Variants in EFNA3 observed in about 807,000 individuals in gnomAD.
EFNA3 encodes ephrin-A3.
A neutral mutation model predicts 25.0 loss-of-function variants in EFNA3; 15 were observed. The observed-to-expected ratio is 0.60, with a 90% CI of 0.40 to 0.92. The LOEUF (loss-of-function observed/expected upper bound fraction) is 0.92. Ranked by LOEUF, EFNA3 falls within the 40% of genes least tolerant of loss-of-function variation. The pLI is 0.00. For missense variants in EFNA3, 298 were observed against 323.8 expected (o/e 0.92, Z 0.61); for synonymous variants, 153 against 145.6 (o/e 1.05, Z -0.37).
At chr1:155,086,364 C>T in intron 4 of EFNA3, 49 bp from the exon 5 acceptor site, 1 of 1,607,744 alleles carries the variant, frequency 6.2e-7, no homozygotes. Context: ...TGCCCCTGCC[C>T]TGGCGCGCAA....
chr1:155,081,243 C>T lies in EFNA3; in HGVS notation c.128+2174C>T, dbSNP rs1462855. 0.65 allele frequency among the ~76,000 whole-genome samples: 99,150 copies of T among 151,856 alleles called. 33,162 individuals are homozygous for T. The highest frequency in any genetic ancestry group is 0.89 in the East Asian group (4,601 of 5,150). On this transcript the variant is annotated intron_variant, in intron 1 of 4. Transcript: ENST00000368408. This position sits in a 1 kb window ranked among gnomAD's most constrained non-coding sequence, Gnocchi z 5.2. ...AGTACTTCCATTTAGTCCCGTGGAA[C>T]AGGAGAGACCTGTTCCCAATCTGGC...
At position 155,079,495 on chromosome 1, in the gene EFNA3, G is replaced by T. The variant is rs958192206; in HGVS notation, c.128+426G>T. ...TCCAGGGGTTCTGTCTAGGACTCCT[G>T]CTTTTAAAAGTGGGGTCCAGAGCTG... On this transcript the variant is annotated intron_variant, in intron 1 of 4. Transcript: ENST00000368408. This position sits in a 1 kb window ranked among gnomAD's most constrained non-coding sequence, Gnocchi z 7.7. Among the ~76,000 whole-genome samples the T allele has an allele frequency of 6.6e-6, 1 of 152,148 alleles. No individual in the cohort carries two copies. The highest frequency in any genetic ancestry group is 2.4e-5 in the African/African-American group (1 of 41,420).
At position 155,078,903 on chromosome 1, in the gene EFNA3, G is replaced by T; in HGVS notation, c.-39G>T. ...GGGAAGCGGAGAAGCCGGGAGCGCG[G>T]GGCTCAGTCGGGGGGCGGCGGCGGC... On this transcript the variant is annotated 5_prime_UTR_variant, in exon 1 of 5. Transcript: ENST00000368408. The T allele has an allele frequency of 7.4e-7, 1 of 1,354,348 alleles. No homozygotes were observed. The highest frequency in any genetic ancestry group is 9.5e-7 in the Non-Finnish European group (1 of 1,055,472). 83.9% of individuals were successfully genotyped at this position (1,354,348 alleles called of 1,614,324 possible). A position where few individuals can be genotyped will look rare whatever the true frequency, so the allele number is the denominator to read the frequency against.
At position 155,085,064 on chromosome 1, in the gene EFNA3, C is replaced by G. The variant is rs115904929; in HGVS notation, c.129-27C>G. On this transcript the variant is annotated intron_variant, in intron 1 of 4. Transcript: ENST00000368408. The surrounding 1 kb of genome is among the most constrained non-coding windows in gnomAD (Gnocchi z 4.4). Reference sequence around the variant, plus strand: ...GCGGCTTTGCTCTGGGGTTTCTTCTCTCTGAGCCGCTTCCTCTTCCCCACA... The same window carrying G: ...GCGGCTTTGCTCTGGGGTTTCTTCTGTCTGAGCCGCTTCCTCTTCCCCACA... 6.7e-3 allele frequency: 10,738 copies of G among 1,611,512 alleles called. 90 individuals carry two copies. Among genetic ancestry groups the G allele is most frequent in the African/African-American group, 0.036 (2,681 of 74,898 alleles).
Position 155,078,853 on chromosome 1 carries a change from C to A in EFNA3, c.-89C>A. The A allele has an allele frequency of 7.7e-7, 1 of 1,294,620 alleles. No homozygotes were observed. Among genetic ancestry groups the A allele is most frequent in the Non-Finnish European group, 9.8e-7 (1 of 1,023,380 alleles). 80.2% of individuals were successfully genotyped at this position (1,294,620 alleles called of 1,614,324 possible). A position where few individuals can be genotyped will look rare whatever the true frequency, so the allele number is the denominator to read the frequency against. On this transcript the variant is annotated 5_prime_UTR_variant, in exon 1 of 5. Coordinates refer to ENST00000368408, the MANE Select transcript of EFNA3 (RefSeq NM_004952.5). The stretch of plus-strand genomic sequence containing the variant: ...TGGGGGCGTGGCCTAAGGCTGGGGG[C>A]CGACGGCGGCGGCAGCAGGGAGCTG...
rs1008296271 is a variant in EFNA3 at position 155,086,329 on chromosome 1, C to T, written c.587-84C>T. 12 of 1,594,646 alleles carry T rather than the reference C, an allele frequency of 7.5e-6. No homozygotes were observed. In the East Asian group the frequency reaches 1.6e-4, roughly 21 times the overall value. Reference sequence around the variant, plus strand: ...CTTCCTACCCTGTGGGTGGTCACGTCCCTGGCTCCATTGCTGCTGCCGCGT... The same window carrying T: ...CTTCCTACCCTGTGGGTGGTCACGTTCCTGGCTCCATTGCTGCTGCCGCGT... On this transcript the variant is annotated intron_variant, in intron 4 of 4. Coordinates refer to ENST00000368408, the MANE Select transcript of EFNA3 (RefSeq NM_004952.5).
Position 155,079,164 on chromosome 1 carries a change from C to A in EFNA3, c.128+95C>A. The stretch of plus-strand genomic sequence containing the variant: ...TCCTGGGGGATCCCGGGGTGGGAGT[C>A]CTGGGAGACCAGAGCTGGGGGCTGG... On this transcript the variant is annotated intron_variant, in intron 1 of 4. Transcript: ENST00000368408. The surrounding 1 kb of genome is among the most constrained non-coding windows in gnomAD (Gnocchi z 7.7). 1 of 1,231,544 alleles carries A rather than the reference C, an allele frequency of 8.1e-7. No homozygotes were observed. The highest frequency in any genetic ancestry group is 1.0e-6 in the Non-Finnish European group (1 of 968,318). The allele number at this position is 1,231,544 out of a possible 1,614,324, so 76.3% of individuals were successfully genotyped here.
rs778291971 is a variant in EFNA3 at position 155,085,280 on chromosome 1, G to T, written c.318G>T (p.Lys106Asn). 1 of 1,612,960 alleles carries T rather than the reference G, an allele frequency of 6.2e-7. No homozygotes were observed. Among genetic ancestry groups the T allele is most frequent in the Non-Finnish European group, 8.5e-7 (1 of 1,179,670 alleles). ...YRTCNASQGF[K>N]RWECNRPHAP... ...CCTGCAACGCCAGCCAGGGCTTCAA[G>T]CGCTGGGAGTGCAACCGGCCGCACG... The change falls in exon 2 of 5, where the codon AAG (lysine) becomes AAT (asparagine). Residue 106 changes from lysine (K) to asparagine (N), a missense_variant. Transcript: ENST00000368408. The surrounding 1 kb of genome is among the most constrained non-coding windows in gnomAD (Gnocchi z 4.4).
chr1:155,087,008 CCT>C lies in EFNA3; in HGVS notation c.*466_*467del, dbSNP rs1663486231. On this transcript the variant is annotated 3_prime_UTR_variant, in exon 5 of 5. Transcript: ENST00000368408. ...GCAGCACTGCCTGCTGCTTCCTTCC[CCT>C]GTTTACAGCAATAAGCACGTCCTCC... 1.3e-5 allele frequency: 2 copies of C among 154,868 alleles called. No individual in the cohort carries two copies. The highest frequency in any genetic ancestry group is 2.9e-5 in the Non-Finnish European group (2 of 69,366). 9.6% of individuals were successfully genotyped at this position (154,868 alleles called of 1,614,324 possible). A position where few individuals can be genotyped will look rare whatever the true frequency, so the allele number is the denominator to read the frequency against.
rs1663293035 is a variant in EFNA3, at chr1:155,079,163, T to G, written c.128+94T>G. The G allele has an allele frequency of 2.5e-6, 3 of 1,178,418 alleles. No individual in the cohort carries two copies. Among genetic ancestry groups the G allele is most frequent in the African/African-American group, 1.7e-5 (1 of 59,170 alleles). The allele number at this position is 1,178,418 out of a possible 1,614,324, so 73.0% of individuals were successfully genotyped here. On this transcript the variant is annotated intron_variant, in intron 1 of 4. Transcript: ENST00000368408. The surrounding 1 kb of genome is among the most constrained non-coding windows in gnomAD (Gnocchi z 7.7). ...GTCCTGGGGGATCCCGGGGTGGGAG[T>G]CCTGGGAGACCAGAGCTGGGGGCTG...
intron 1 of EFNA3, among the ~76,000 whole-genome samples, chr1:155,082,489 T>A (rs1663360931): frequency 6.6e-6 from 1 of 152,070 alleles, no homozygotes; most frequent in African/African-American, 2.4e-5. Flanking sequence ...CCGGGTTAAG[T>A]GGAGCCAGGC....
In EFNA3 at chr1:155,080,953, C is replaced by T. The variant is rs1663331370; in HGVS notation, c.128+1884C>T. 6.6e-6 allele frequency among the ~76,000 whole-genome samples: 1 copy of T among 152,144 alleles called. No individual in the cohort carries two copies. The highest frequency in any genetic ancestry group is 1.5e-5 in the Non-Finnish European group (1 of 68,006). On this transcript the variant is annotated intron_variant, in intron 1 of 4. Coordinates refer to ENST00000368408, the MANE Select transcript of EFNA3 (RefSeq NM_004952.5). This position sits in a 1 kb window ranked among gnomAD's most constrained non-coding sequence, Gnocchi z 7.0. Reference sequence around the variant, plus strand: ...CCATAAATCGTGAGAGCGACGTGCTCCGGAGCCGAGAATGGAGAGGGCCGG... The same window carrying T: ...CCATAAATCGTGAGAGCGACGTGCTTCGGAGCCGAGAATGGAGAGGGCCGG...
At chr1:155,084,900 G>A (rs1663419280) in intron 1 of EFNA3, among the ~76,000 whole-genome samples, 191 bp from the exon 2 acceptor site, 1 of 152,224 alleles carries the variant, frequency 6.6e-6, no homozygotes, top group Non-Finnish European at 1.5e-5. Flanking sequence ...CAAGAAGGAG[G>A]GCACGGAAGG....
chr1:155,085,877 C>G lies in EFNA3; in HGVS notation c.443C>G (p.Ser148Cys). ...GACTCAGGCCCGGTCTCCTCCCCAG[C>G]CACGCCCACTCACAACCTGCACTGG... ...FHAGHEYYYI[S>C]TPTHNLHWKC... The change falls in exon 3 of 5, where the codon TCC becomes TGC. Residue 148 changes from serine (S) to cysteine (C), a missense_variant and splice_region_variant. Ser to Cys is a moderately radical substitution (Grantham distance 112, BLOSUM62 -1). Transcript: ENST00000368408. The surrounding 1 kb of genome is among the most constrained non-coding windows in gnomAD (Gnocchi z 4.4). The G allele has an allele frequency of 6.2e-7, 1 of 1,613,306 alleles. No individual in the cohort carries two copies. Among genetic ancestry groups the G allele is most frequent in the Non-Finnish European group, 8.5e-7 (1 of 1,179,660 alleles).
rs1558145433 is a variant in EFNA3, at chr1:155,085,190, AC to A, written c.230del (p.Pro77ArgfsTer15). On this transcript the variant is annotated frameshift_variant, in exon 2 of 5. Transcript: ENST00000368408. LOFTEE classifies it high-confidence loss of function. The surrounding 1 kb of genome is among the most constrained non-coding windows in gnomAD (Gnocchi z 4.4). ...NSSGVGPGAG[P>X]GPGGGAEQYV... ...GCTCGGGGGTGGGCCCCGGGGCGGG[AC>A]CGGGGCCCGGAGGCGGGGCAGAGCA... The A allele has an allele frequency of 1.9e-6, 3 of 1,612,064 alleles. No homozygotes were observed. Among genetic ancestry groups the A allele is most frequent in the Non-Finnish European group, 2.5e-6 (3 of 1,179,470 alleles).
chr1:155,085,152 C>G lies in EFNA3; in HGVS notation c.190C>G (p.Pro64Ala), dbSNP rs368422388. The G allele has an allele frequency of 6.2e-7, 1 of 1,613,450 alleles. No individual in the cohort carries two copies. Among genetic ancestry groups the G allele is most frequent in the African/African-American group, 1.3e-5 (1 of 74,932 alleles). The change falls in exon 2 of 5, where the codon CCG becomes GCG. Residue 64 changes from proline to alanine, a missense_variant. Pro to Ala is a conservative substitution (Grantham distance 27). Coordinates refer to ENST00000368408, the MANE Select transcript of EFNA3 (RefSeq NM_004952.5). This position sits in a 1 kb window ranked among gnomAD's most constrained non-coding sequence, Gnocchi z 4.4. ...GAACGACTATCTGGATATTTACTGC[C>G]CGCACTACAACAGCTCGGGGGTGGG... is the stretch of plus-strand genomic sequence containing the variant. ...NVNDYLDIYCPHYNSSGVGPG... is the reference protein window; with the variant it reads ...NVNDYLDIYCAHYNSSGVGPG...
chr1:155,086,372 CA>C, intron 4 of EFNA3, 40 bp from the exon 5 acceptor site: 1 of 1,608,584 alleles, frequency 6.2e-7, no homozygotes, highest in South Asian at 1.1e-5. Flanking sequence ...CCCTGGCGCG[CA>C]ACCCAGCCCT....
chr1:155,084,943 G>A, intron 1 of EFNA3, 148 bp from the exon 2 acceptor site: 3 of 846,338 alleles, frequency 3.5e-6, no homozygotes, highest in Non-Finnish European at 5.5e-6. Context: ...TAGGGCCCCG[G>A]GGGCAGAGAC....
Position 155,078,955 on chromosome 1 carries a change from C to CGCT in EFNA3, c.33_35dup (p.Leu12dup), listed in dbSNP as rs751169298. 1.3e-4 allele frequency: 178 copies of CGCT among 1,416,554 alleles called. No individual in the cohort carries two copies. The highest frequency in any genetic ancestry group is 4.6e-4 in the East Asian group (15 of 32,712). The allele number at this position is 1,416,554 out of a possible 1,614,324, so 87.7% of individuals were successfully genotyped here. On this transcript the variant is annotated inframe_insertion, in exon 1 of 5. Coordinates refer to ENST00000368408, the MANE Select transcript of EFNA3 (RefSeq NM_004952.5). ...GCGGCTCCGGGGATGGCGGCGGCTC[C>CGCT]GCTGCTGCTGCTGCTGCTGCTCGTG...
Sources: gnomAD v4.1 joint callset for allele counts (sites outside exome capture counted in the v4.1 genomes callset) on GRCh38, gnomAD v4.1.1 for gene constraint, Gnocchi (gnomAD v3.1) non-coding constraint, MANE v1.5 for transcripts, NCBI Gene and HGNC (gene_info 2026-07-23, HGNC 2026-07-21) for gene names.